Variants in CPXM2 observed in about 807,000 individuals in gnomAD.
CPXM2 encodes inactive carboxypeptidase-like protein X2.
CPXM2 carries 66 observed loss-of-function variants against 86.1 expected under a neutral mutation model. That is an observed-to-expected ratio of 0.77 (90% CI 0.63 to 0.94). CPXM2 has a LOEUF of 0.94. CPXM2 is among the 40% of genes least tolerant of loss of function. The pLI, the probability that CPXM2 is intolerant of heterozygous loss-of-function variation, is 0.00. For missense variants in CPXM2, 948 were observed against 1,026.3 expected (o/e 0.92, Z 1.04); for synonymous variants, 388 against 400.2 (o/e 0.97, Z 0.36).
At chr10:123,805,755 C>T (rs1847565891) in intron 4 of CPXM2, among the ~76,000 whole-genome samples, 1 of 151,906 alleles carries the variant, frequency 6.6e-6, no homozygotes, top group South Asian at 2.1e-4. Context: ...GAAAAAAAAT[C>T]ACAAAATAAT....
intron 3 of CPXM2, among the ~76,000 whole-genome samples, chr10:123,854,374 A>T (rs1332188848): frequency 3.4e-4 from 28 of 83,078 alleles, no homozygotes; most frequent in African/African-American, 1.4e-3. Flanking sequence ...ATATATATAT[A>T]ATATATATAT....
At chr10:123,853,504 T>C (rs1848645518) in intron 3 of CPXM2, among the ~76,000 whole-genome samples, 1 of 152,248 alleles carries the variant, frequency 6.6e-6, no homozygotes, top group Admixed American at 6.5e-5. Flanking sequence ...TCTTCTGTTT[T>C]TGCTCAGCAT....
intron 13 of CPXM2, chr10:123,752,627 G>A: frequency 1.0e-5 from 10 of 985,098 alleles, no homozygotes; most frequent in Non-Finnish European, 1.2e-5. Flanking sequence ...TGGCACGACA[G>A]GATCATGGGA....
In CPXM2 at chr10:123,865,859, C is replaced by T. The variant is rs548586621; in HGVS notation, c.404-3136G>A. On this transcript the variant is annotated intron_variant, in intron 2 of 13. Coordinates refer to ENST00000241305, the MANE Select transcript of CPXM2 (RefSeq NM_198148.3). This position sits in a 1 kb window ranked among gnomAD's most constrained non-coding sequence, Gnocchi z 4.7. ...CCATCTCTGCTTCTTCTCTCCCTTCCTTTCCTGGGATTTTTGCTCCTGACT... is the reference window on the plus strand; with the variant it reads ...CCATCTCTGCTTCTTCTCTCCCTTCTTTTCCTGGGATTTTTGCTCCTGACT... Among the ~76,000 whole-genome samples, 58 of 152,234 alleles carry T rather than the reference C, an allele frequency of 3.8e-4. No individual in the cohort carries two copies. The highest frequency in any genetic ancestry group is 1.3e-3 in the African/African-American group (56 of 41,538).
chr10:123,878,278 G>A (rs1033407050), intron 2 of CPXM2, among the ~76,000 whole-genome samples: 4 of 143,988 alleles, frequency 2.8e-5, no homozygotes, highest in Middle Eastern at 3.5e-3. Context: ...GGTTATCCTC[G>A]ACCCCCTTTT....
chr10:123,845,885 C>T (rs1285876764), intron 3 of CPXM2, among the ~76,000 whole-genome samples: 1 of 152,146 alleles, frequency 6.6e-6, no homozygotes, highest in Non-Finnish European at 1.5e-5. Flanking sequence ...TCAGAATTCT[C>T]AATAGCAGCA....
At chr10:123,913,984 G>T in intron 2 of CPXM2, 1 of 484,432 alleles carries the variant, frequency 2.1e-6, no homozygotes, top group Non-Finnish European at 4.2e-6. Context: ...CCAGAGTCAG[G>T]CCATTGCCAA....
chr10:123,884,649 A>T (rs755039773), intron 1 of CPXM2, among the ~76,000 whole-genome samples: 1 of 152,194 alleles, frequency 6.6e-6, no homozygotes, highest in Non-Finnish European at 1.5e-5. Flanking sequence ...AAATTGTCTA[A>T]GAACTTCTTA....
intron 2 of CPXM2, among the ~76,000 whole-genome samples, chr10:123,879,545 C>T (rs1945047243): frequency 6.6e-6 from 1 of 152,074 alleles, no homozygotes; most frequent in African/African-American, 2.4e-5. Context: ...AAGTGCCTGG[C>T]TACTACATAA....
At chr10:123,815,371 T>A (rs1847792302) in intron 4 of CPXM2, among the ~76,000 whole-genome samples, 3 of 152,096 alleles carry the variant, frequency 2.0e-5, no homozygotes. Context: ...CAATGAAAGG[T>A]GCATACACAG....
Position 123,761,935 on chromosome 10 carries a change from T to TGTG in CPXM2, c.1711_1713dup (p.His571dup). On this transcript the variant is annotated inframe_insertion, in exon 11 of 14. Transcript: ENST00000241305. ...CCCTCCTCCTTCTGGAAGTCCTCCG[T>TGTG]GTGGCACACCCTCCTCCGGGCGTCT... The TGTG allele has an allele frequency of 6.2e-7, 1 of 1,613,864 alleles. No homozygotes were observed. The highest frequency in any genetic ancestry group is 8.5e-7 in the Non-Finnish European group (1 of 1,179,914).
At chr10:123,893,798 C>T (rs1341882474), upstream of CPXM2, among the ~76,000 whole-genome samples, 3 of 152,222 alleles carry the variant, frequency 2.0e-5, no homozygotes, top group Non-Finnish European at 4.4e-5. Flanking sequence ...AAGCAACACA[C>T]CCAGCGTTCC....
intron 13 of CPXM2, chr10:123,750,204 C>A (rs1383409044): frequency 5.1e-6 from 5 of 985,264 alleles, no homozygotes; most frequent in Non-Finnish European, 6.0e-6. Flanking sequence ...GATAAGCCCT[C>A]TAATTTTTGA....
upstream of CPXM2, chr10:123,940,268 A>G (rs561425114): frequency 6.6e-6 from 1 of 152,308 alleles, no homozygotes; most frequent in East Asian, 1.9e-4. Context: ...TTACCTACCC[A>G]TGGGTGATGA....
chr10:123,884,448 C>T (rs961936432), intron 1 of CPXM2, among the ~76,000 whole-genome samples: 1 of 152,174 alleles, frequency 6.6e-6, no homozygotes, highest in Non-Finnish European at 1.5e-5. Context: ...GGCCATGACA[C>T]AGGGAGGAAT....
chr10:123,854,403 A>G (rs1486063609), intron 3 of CPXM2, among the ~76,000 whole-genome samples: 1 of 122,114 alleles, frequency 8.2e-6, no homozygotes, highest in African/African-American at 3.3e-5. Flanking sequence ...TATTATATAT[A>G]TATTATATAT....
At chr10:123,838,716 AAACTCT>A (rs774449004) in intron 4 of CPXM2, among the ~76,000 whole-genome samples, 22 of 152,250 alleles carry the variant, frequency 1.4e-4, no homozygotes, top group Non-Finnish European at 2.2e-4. Flanking sequence ...TAGAAAACTC[AAACTCT>A]AATTCCAACT....
intron 13 of CPXM2, chr10:123,749,946 C>G (rs527830862): frequency 5.0e-5 from 11 of 218,278 alleles, no homozygotes; most frequent in African/African-American, 2.6e-4. Context: ...GCTGGGATTA[C>G]AGGTGTGCAC....
At position 123,754,657 on chromosome 10, in the gene CPXM2, A is replaced by G. The variant is rs758261266; in HGVS notation, c.2017+6T>C. ...CAAGAGACAGTCTGCACACATTTGC[A>G]GTTACCTGTTCGGATGTCATGGTTA... is the stretch of plus-strand genomic sequence containing the variant. On this transcript the variant is annotated splice_donor_region_variant and intron_variant, in intron 13 of 13. Transcript: ENST00000241305. The surrounding 1 kb of genome is among the most constrained non-coding windows in gnomAD (Gnocchi z 4.0). The G allele has an allele frequency of 6.8e-7, 1 of 1,473,166 alleles. No homozygotes were observed. Among genetic ancestry groups the G allele is most frequent in the Admixed American group, 1.7e-5 (1 of 59,822 alleles). The allele number at this position is 1,473,166 out of a possible 1,614,324, so 91.3% of individuals were successfully genotyped here. A position where few individuals can be genotyped will look rare whatever the true frequency, so the allele number is the denominator to read the frequency against.
Sources: gnomAD v4.1 joint callset for allele counts (sites outside exome capture counted in the v4.1 genomes callset) on GRCh38, gnomAD v4.1.1 for gene constraint, Gnocchi (gnomAD v3.1) non-coding constraint, MANE v1.5 for transcripts, NCBI Gene and HGNC (gene_info 2026-07-23, HGNC 2026-07-21) for gene names.